The following PTBP1 variants were observed in gnomAD, a reference collection of about 807,000 sequenced individuals.
PTBP1 encodes polypyrimidine tract binding protein 1, also known as polypyrimidine tract-binding protein 1.
In PTBP1, 8 loss-of-function variants were observed where a neutral mutation model predicts 59.8. The ratio of observed to expected loss-of-function variants is 0.13; its 90% CI spans 0.08 to 0.24. The LOEUF (loss-of-function observed/expected upper bound fraction) is 0.24, where lower values mean the gene tolerates loss of function less well. Ranked by LOEUF, PTBP1 falls within the 10% of genes least tolerant of loss-of-function variation. PTBP1 has a pLI of 1.00. For missense variants in PTBP1, 686 were observed against 767.0 expected (o/e 0.89, Z 1.25); for synonymous variants, 490 against 320.7 (o/e 1.53, Z -5.64).
rs1391996379 is a variant in PTBP1 at position 811,653 on chromosome 19, C to CA, written c.*828dup. 9 of 152,356 alleles carry CA rather than the reference C, an allele frequency of 5.9e-5. No homozygotes were observed. The highest frequency in any genetic ancestry group is 1.9e-4 in the African/African-American group (8 of 41,438). 9.4% of individuals were successfully genotyped at this position (152,356 alleles called of 1,614,324 possible). A position where few individuals can be genotyped will look rare whatever the true frequency, so the allele number is the denominator to read the frequency against. ...TTGTAATTAAGTCACAGGCAGGACC[C>CA]AGTTTCCAGAGAGCAGGCGGGGCCG... On this transcript the variant is annotated 3_prime_UTR_variant, in exon 15 of 15. Coordinates refer to ENST00000356948, the MANE Select transcript of PTBP1 (RefSeq NM_002819.5).
intron 2 of PTBP1, among the ~76,000 whole-genome samples, chr19:802,967 G>A (rs916000429): frequency 6.6e-6 from 1 of 152,274 alleles, no homozygotes; most frequent in Non-Finnish European, 1.5e-5. Flanking sequence ...GCGGGAGGCC[G>A]TGTCTCTAGT....
intron 2 of PTBP1, among the ~76,000 whole-genome samples, chr19:801,720 G>A (rs1020634646): frequency 1.4e-4 from 22 of 152,304 alleles, no homozygotes; most frequent in African/African-American, 5.3e-4. Flanking sequence ...GAGGCCCTGC[G>A]TCTCAGGTGC....
chr19:810,416 T>A, intron 13 of PTBP1, 127 bp from the exon 14 acceptor site: 4 of 689,028 alleles, frequency 5.8e-6, no homozygotes, highest in Non-Finnish European at 7.3e-6. Context: ...ACCCCATTTC[T>A]GGGCTCCTAA....
chr19:808,577 C>T lies in PTBP1; in HGVS notation c.1278C>T (p.His426=), dbSNP rs148751202. The T allele has an allele frequency of 0.016, 25,882 of 1,602,238 alleles. 239 individuals carry two copies. The highest frequency in any genetic ancestry group is 0.046 in the Admixed American group (2,699 of 58,752). ...GCCACCTGAACGGGCACAAGCTGCACGGGAAGCCCATCCGCATCACGCTCT... is the reference window on the plus strand; with the variant it reads ...GCCACCTGAACGGGCACAAGCTGCATGGGAAGCCCATCCGCATCACGCTCT... ...AMSHLNGHKL[H]GKPIRITLSK... Residue 426 remains histidine, a synonymous_variant, in exon 13 of 15, where the codon CAC becomes CAT. Transcript: ENST00000356948. This position sits in a 1 kb window ranked among gnomAD's most constrained non-coding sequence, Gnocchi z 4.7.
At chr19:798,101 T>G (rs1300465927) in intron 1 of PTBP1, among the ~76,000 whole-genome samples, 1 of 148,798 alleles carries the variant, frequency 6.7e-6, no homozygotes, top group African/African-American at 2.5e-5. Context: ...GCCCTACCCC[T>G]GCCCCCCGTG....
At chr19:806,714 A>G (rs1253179577) in intron 10 of PTBP1, 158 bp downstream of exon 10, 3 of 600,218 alleles carry the variant, frequency 5.0e-6, no homozygotes, top group South Asian at 3.3e-5. Flanking sequence ...TCCTTTTCCA[A>G]GATGGCTTGA....
chr19:804,740 C>T (rs757613961), intron 6 of PTBP1, 38 bp downstream of exon 6: 2 of 1,610,038 alleles, frequency 1.2e-6, no homozygotes, highest in Non-Finnish European at 1.7e-6. Flanking sequence ...AGGTCGGCTG[C>T]TATTGCTGTG....
chr19:798,419 T>G (rs2034178148), intron 1 of PTBP1: 1 of 152,276 alleles, frequency 6.6e-6, no homozygotes, highest in Non-Finnish European at 1.5e-5. Flanking sequence ...CTTTCCGTTT[T>G]CCTGAGAAGT....
At chr19:806,710 TC>T (rs750494433) in intron 10 of PTBP1, 154 bp downstream of exon 10, 16 of 627,264 alleles carry the variant, frequency 2.6e-5, no homozygotes, top group Non-Finnish European at 3.2e-5. Context: ...ACCCTCCTTT[TC>T]CAAGATGGCT....
At chr19:802,458 A>AGG (rs375794352) in intron 2 of PTBP1, among the ~76,000 whole-genome samples, 1 of 56,280 alleles carries the variant, frequency 1.8e-5, no homozygotes, top group East Asian at 5.2e-4. Context: ...GGGTTGTCTG[A>AGG]GGGGGGACAG....
At chr19:800,029 C>T (rs940107731) in intron 2 of PTBP1, among the ~76,000 whole-genome samples, 1 of 151,690 alleles carries the variant, frequency 6.6e-6, no homozygotes, top group African/African-American at 2.4e-5. Context: ...CAGGTTCAAG[C>T]GATTCTCCTG....
At position 805,088 on chromosome 19, in the gene PTBP1, G is replaced by C; in HGVS notation, c.793G>C (p.Val265Leu). 2.5e-6 allele frequency: 4 copies of C among 1,613,880 alleles called. No individual in the cohort carries two copies. The highest frequency in any genetic ancestry group is 3.4e-6 in the Non-Finnish European group (4 of 1,179,886). Reference sequence around the variant, plus strand: ...CTTTTCCAAGCTCACCAGCCTCAACGTCAAGTACAACAATGACAAGAGCCG... The same window carrying C: ...CTTTTCCAAGCTCACCAGCCTCAACCTCAAGTACAACAATGACAAGAGCCG... ...IDFSKLTSLN[V>L]KYNNDKSRDY... Residue 265 changes from valine (V) to leucine (L), a missense_variant, in exon 8 of 15, where the codon GTC becomes CTC. Transcript: ENST00000356948.
chr19:805,010 C>T lies in PTBP1; in HGVS notation c.718-3C>T, dbSNP rs755688248. ...CGACGTCTCACGGTCCCTCTCCCCT[C>T]AGTCGCTGGACGGGCAGAACATCTA... On this transcript the variant is annotated splice_polypyrimidine_tract_variant and splice_region_variant and intron_variant, in intron 7 of 14. Coordinates refer to ENST00000356948, the MANE Select transcript of PTBP1 (RefSeq NM_002819.5). 8.7e-6 allele frequency: 14 copies of T among 1,613,432 alleles called. No homozygotes were observed. In the South Asian group the frequency reaches 1.4e-4, roughly 16 times the overall value.
intron 13 of PTBP1, among the ~76,000 whole-genome samples, 192 bp from the exon 14 acceptor site, chr19:810,351 G>GGTT (rs2034799851): frequency 1.3e-5 from 2 of 152,046 alleles, no homozygotes; most frequent in South Asian, 4.1e-4. Context: ...CTGCAAACTT[G>GGTT]TAGATGCCTG....
chr19:809,356 C>T (rs1165596491), intron 13 of PTBP1, among the ~76,000 whole-genome samples: 1 of 151,726 alleles, frequency 6.6e-6, no homozygotes, highest in East Asian at 1.9e-4. Flanking sequence ...TGGAGTCACG[C>T]TCTGTCGCCC....
At chr19:806,290 C>T (rs1056171705) in intron 9 of PTBP1, 118 bp from the exon 10 acceptor site, 22 of 1,219,942 alleles carry the variant, frequency 1.8e-5, no homozygotes, top group Non-Finnish European at 2.4e-5. Context: ...GGGCCAGAGC[C>T]AGGGCCGCCT....
chr19:798,273 CGGGCGGCTTTGCT>C (rs1568260700), intron 1 of PTBP1, among the ~76,000 whole-genome samples: 3 of 151,626 alleles, frequency 2.0e-5, no homozygotes, highest in African/African-American at 7.3e-5. Context: ...GCAGCCTTTC[CGGGCGGCTTTGCT>C]GGGCGGGCTT....
Position 811,767 on chromosome 19 carries a change from C to CGGTT in PTBP1, c.*942_*943insGTTG, listed in dbSNP as rs1214949390. 2 of 152,446 alleles carry CGGTT rather than the reference C, an allele frequency of 1.3e-5. No individual in the cohort carries two copies. The highest frequency in any genetic ancestry group is 2.9e-5 in the Non-Finnish European group (2 of 68,048). The allele number at this position is 152,446 out of a possible 1,614,324, so 9.4% of individuals were successfully genotyped here. On this transcript the variant is annotated 3_prime_UTR_variant, in exon 15 of 15. Coordinates refer to ENST00000356948, the MANE Select transcript of PTBP1 (RefSeq NM_002819.5). ...GCGGGCGTGTCGCCGCCTCTGGCAT[C>CGGTT]GCCTCCGGTTGCCTTACACCACGCC...
intron 3 of PTBP1, among the ~76,000 whole-genome samples, 165 bp downstream of exon 3, chr19:803,801 C>T (rs979879514): frequency 3.3e-5 from 5 of 152,142 alleles, no homozygotes; most frequent in Non-Finnish European, 7.4e-5. Flanking sequence ...TCCAGGGAGG[C>T]GCTGGATGGA....
Sources: gnomAD v4.1 joint callset for allele counts (sites outside exome capture counted in the v4.1 genomes callset) on GRCh38, gnomAD v4.1.1 for gene constraint, Gnocchi (gnomAD v3.1) non-coding constraint, MANE v1.5 for transcripts, NCBI Gene and HGNC (gene_info 2026-07-23, HGNC 2026-07-21) for gene names.